Variants in UBIAD1 observed in about 807,000 individuals in gnomAD.
UBIAD1 encodes UbiA prenyltransferase domain containing 1.
In UBIAD1, 12 loss-of-function variants were observed where a neutral mutation model predicts 20.1. The observed-to-expected ratio is 0.60, with a 90% CI of 0.38 to 0.97. UBIAD1 has a LOEUF of 0.97. Ranked by LOEUF, UBIAD1 falls within the 50% of genes least tolerant of loss-of-function variation. The pLI, the probability that UBIAD1 is intolerant of heterozygous loss-of-function variation, is 0.00. For synonymous variants in UBIAD1, 207 were observed against 189.2 expected (o/e 1.09, Z -0.77); for missense variants, 333 against 419.5 (o/e 0.79, Z 1.80).
downstream of UBIAD1, chr1:11,293,350 A>T (rs1638398704): frequency 6.6e-6 from 1 of 152,234 alleles, no homozygotes; most frequent in Non-Finnish European, 1.5e-5. Flanking sequence ...TGGGTTTAAC[A>T]GGGAAGACAA....
chr1:11,297,695 T>C (rs1006129756), downstream of UBIAD1, among the ~76,000 whole-genome samples: 4 of 152,302 alleles, frequency 2.6e-5, no homozygotes, highest in South Asian at 8.3e-4. Flanking sequence ...TCAAGGTGAC[T>C]TCTCATTCGA....
At chr1:11,288,935 C>T (rs867040445), downstream of UBIAD1, among the ~76,000 whole-genome samples, 6 of 151,652 alleles carry the variant, frequency 4.0e-5, no homozygotes, top group African/African-American at 7.3e-5. Flanking sequence ...AAACAAAAAA[C>T]GTTGAGGGCT....
intron 1 of UBIAD1, among the ~76,000 whole-genome samples, chr1:11,280,141 T>A (rs1239877502): frequency 1.3e-5 from 2 of 152,164 alleles, no homozygotes; most frequent in Non-Finnish European, 2.9e-5. Flanking sequence ...GACGGAAGGA[T>A]AAGGAGCTGG....
At chr1:11,276,958 TG>T (rs1652055669) in intron 1 of UBIAD1, among the ~76,000 whole-genome samples, 1 of 152,090 alleles carries the variant, frequency 6.6e-6, no homozygotes. Context: ...ACATTTGTGC[TG>T]GATGTGGTAG....
At position 11,273,741 on chromosome 1, in the gene UBIAD1, C is replaced by T. The variant is rs1445636161; in HGVS notation, c.210C>T (p.Ala70=). The change falls in exon 1 of 2, where the codon GCC becomes GCT. Residue 70 remains alanine, a synonymous_variant. Transcript: ENST00000376810. This position sits in a 1 kb window ranked among gnomAD's most constrained non-coding sequence, Gnocchi z 4.9. ...ASLTPVALGS[A]LAYRSHGVLD... ...TCACACCGGTGGCCCTGGGCAGTGC[C>T]CTTGCCTACAGATCCCACGGTGTCC... The T allele has an allele frequency of 3.1e-6, 5 of 1,613,998 alleles. No individual in the cohort carries two copies. Among genetic ancestry groups the T allele is most frequent in the Non-Finnish European group, 4.2e-6 (5 of 1,180,014 alleles).
chr1:11,296,668 C>A (rs1638453585), downstream of UBIAD1, among the ~76,000 whole-genome samples: 1 of 152,102 alleles, frequency 6.6e-6, no homozygotes, highest in African/African-American at 2.4e-5. Context: ...TACAGGCTTG[C>A]ACCACCATGC....
downstream of UBIAD1, among the ~76,000 whole-genome samples, chr1:11,292,787 C>T (rs1287226203): frequency 2.0e-5 from 3 of 152,066 alleles, no homozygotes; most frequent in African/African-American, 7.2e-5. Context: ...CTGCGGACCA[C>T]TCTGCTGCTA....
chr1:11,290,389 C>A (rs762678687), downstream of UBIAD1, among the ~76,000 whole-genome samples: 3 of 152,214 alleles, frequency 2.0e-5, no homozygotes, highest in Non-Finnish European at 1.5e-5. Context: ...TTGGACACTG[C>A]TCCTCTAGAA....
chr1:11,298,131 G>C (rs530172804), downstream of UBIAD1, among the ~76,000 whole-genome samples: 23 of 151,938 alleles, frequency 1.5e-4, no homozygotes, highest in African/African-American at 5.1e-4. This position sits in a 1 kb window ranked among gnomAD's most constrained non-coding sequence, Gnocchi z 4.0. Context: ...AGCTAATTTT[G>C]TATTTTTAGT....
intron 1 of UBIAD1, 109 bp downstream of exon 1, chr1:11,274,169 C>T (rs1190299830): frequency 1.5e-6 from 2 of 1,345,320 alleles, no homozygotes; most frequent in African/African-American, 2.9e-5. Context: ...TAATTTAAGC[C>T]GCTTTAATTG....
At chr1:11,278,117 C>T (rs1260804562) in intron 1 of UBIAD1, among the ~76,000 whole-genome samples, 1 of 152,058 alleles carries the variant, frequency 6.6e-6, no homozygotes, top group African/African-American at 2.4e-5. Flanking sequence ...GCTACCACGC[C>T]TGGTTAATTT....
At chr1:11,278,727 T>G in intron 1 of UBIAD1, 1 of 854,886 alleles carries the variant, frequency 1.2e-6, no homozygotes. Flanking sequence ...TTTTGTCATT[T>G]TGCTAACACT....
At chr1:11,289,937 G>A (rs1366213059), downstream of UBIAD1, among the ~76,000 whole-genome samples, 1 of 152,004 alleles carries the variant, frequency 6.6e-6, no homozygotes, top group Non-Finnish European at 1.5e-5. Flanking sequence ...TCACCATGTT[G>A]GCCAGGCTGG....
At chr1:11,289,977 G>A (rs144544649), downstream of UBIAD1, among the ~76,000 whole-genome samples, 1,183 of 151,894 alleles carry the variant, frequency 7.8e-3, 21 homozygotes, top group African/African-American at 0.026. Flanking sequence ...AGATTCACCC[G>A]CCTTGGCCTC....
At chr1:11,275,148 A>G (rs1651968164) in intron 1 of UBIAD1, among the ~76,000 whole-genome samples, 1 of 152,218 alleles carries the variant, frequency 6.6e-6, no homozygotes, top group Non-Finnish European at 1.5e-5. Flanking sequence ...CACAGCAGTC[A>G]CAGATCCCTG....
chr1:11,273,292 G>A lies in UBIAD1; in HGVS notation c.-240G>A. The A allele has an allele frequency of 1.7e-6, 1 of 572,290 alleles. No individual in the cohort carries two copies. Among genetic ancestry groups the A allele is most frequent in the East Asian group, 3.0e-5 (1 of 33,362 alleles). 35.5% of individuals were successfully genotyped at this position (572,290 alleles called of 1,614,324 possible). On this transcript the variant is annotated 5_prime_UTR_variant, in exon 1 of 2. Coordinates refer to ENST00000376810, the MANE Select transcript of UBIAD1 (RefSeq NM_013319.3). This position sits in a 1 kb window ranked among gnomAD's most constrained non-coding sequence, Gnocchi z 4.9. The stretch of plus-strand genomic sequence containing the variant: ...GGCTCAGCCGTGGGCTCTAACGCGG[G>A]GCTGGGGGCCGGAGACAGACTTCGC...
At chr1:11,280,418 G>C (rs187066039) in intron 1 of UBIAD1, among the ~76,000 whole-genome samples, 1 of 152,268 alleles carries the variant, frequency 6.6e-6, no homozygotes, top group African/African-American at 2.4e-5. Flanking sequence ...TGGTGATGTA[G>C]CTCATGGCTT....
Position 11,285,746 on chromosome 1 carries a change from C to G in UBIAD1, c.632C>G (p.Ala211Gly), listed in dbSNP as rs1638251098. The G allele has an allele frequency of 6.2e-7, 1 of 1,614,060 alleles. No individual in the cohort carries two copies. The highest frequency in any genetic ancestry group is 8.5e-7 in the Non-Finnish European group (1 of 1,180,034). ...FAYAIQVGSLAIFPLVYAIPL... is the reference protein window; with the variant it reads ...FAYAIQVGSLGIFPLVYAIPL... ...TACGCCATCCAGGTGGGGTCCCTGG[C>G]CATCTTCCCACTGGTCTATGCCATC... The change falls in exon 2 of 2, where the codon GCC (alanine) becomes GGC (glycine). Residue 211 changes from alanine to glycine, a missense_variant. Physicochemically the swap from Ala to Gly is moderately conservative, Grantham distance 60 (BLOSUM62 0). Coordinates refer to ENST00000376810, the MANE Select transcript of UBIAD1 (RefSeq NM_013319.3). This position sits in a 1 kb window ranked among gnomAD's most constrained non-coding sequence, Gnocchi z 4.4.
At chr1:11,276,763 TAA>T in intron 1 of UBIAD1, among the ~76,000 whole-genome samples, 1 of 144,972 alleles carries the variant, frequency 6.9e-6, no homozygotes, top group African/African-American at 2.5e-5. Context: ...CATAGTTTGT[TAA>T]AAAAAAAAAA....
Sources: gnomAD v4.1 joint callset for allele counts (sites outside exome capture counted in the v4.1 genomes callset) on GRCh38, gnomAD v4.1.1 for gene constraint, Gnocchi (gnomAD v3.1) non-coding constraint, MANE v1.5 for transcripts, NCBI Gene and HGNC (gene_info 2026-07-23, HGNC 2026-07-21) for gene names.